FAF1: variants seen among roughly 807,000 people sequenced by gnomAD.
FAF1 encodes Fas associated factor 1.
Under a neutral mutation model 92.5 loss-of-function variants are expected in FAF1, and 25 were observed. That is an observed-to-expected ratio of 0.27 (90% confidence interval 0.20 to 0.38). The LOEUF is 0.38. FAF1 is among the 10% of genes least tolerant of loss of function. The pLI, the probability that FAF1 is intolerant of heterozygous loss-of-function variation, is 1.00. For missense variants in FAF1, 636 were observed against 793.3 expected, an observed-to-expected ratio of 0.80 and a Z score of 2.38; for synonymous variants, 234 against 273.2, an observed-to-expected ratio of 0.86 and a Z score of 1.42.
chr1:50,910,830 C>G (rs1003858562), intron 1 of FAF1, among the ~76,000 whole-genome samples: 2 of 152,062 alleles, frequency 1.3e-5, no homozygotes, highest in Non-Finnish European at 2.9e-5. Flanking sequence ...TTGTGCTTCC[C>G]GGGTGAGGCA....
rs190902914 is a variant in FAF1, at chr1:50,443,114, C to A, written c.1870-1591G>T. Among the ~76,000 whole-genome samples, 123 of 152,336 alleles carry A rather than the reference C, an allele frequency of 8.1e-4. 2 individuals carry two copies. The highest frequency in any genetic ancestry group is 2.9e-3 in the African/African-American group (122 of 41,572). On this transcript the variant is annotated intron_variant, in intron 18 of 18. Transcript: ENST00000396153. ...GTTGGCATTTTCTGCCCACCTGCTTCTGATATTGTTCTTAATTAACATGCC... is the reference window on the plus strand; with the variant it reads ...GTTGGCATTTTCTGCCCACCTGCTTATGATATTGTTCTTAATTAACATGCC...
At chr1:50,824,526 A>G (rs1644075618) in intron 2 of FAF1, among the ~76,000 whole-genome samples, 1 of 152,200 alleles carries the variant, frequency 6.6e-6, no homozygotes, top group Admixed American at 6.5e-5. Flanking sequence ...GGGAATATAA[A>G]TTAGTACAAC....
chr1:50,929,142 T>A (rs958327058), intron 1 of FAF1, among the ~76,000 whole-genome samples: 1 of 149,634 alleles, frequency 6.7e-6, no homozygotes, highest in Non-Finnish European at 1.5e-5. Context: ...CTTTTTTTAA[T>A]CAAAATAAAA....
chr1:50,806,296 C>G (rs1389776849), intron 2 of FAF1, among the ~76,000 whole-genome samples: 2 of 152,098 alleles, frequency 1.3e-5, no homozygotes, highest in Non-Finnish European at 2.9e-5. Context: ...CAAACAAATA[C>G]AAGCTAAAAC....
chr1:50,932,596 G>T (rs969139853), intron 1 of FAF1, among the ~76,000 whole-genome samples: 1 of 152,192 alleles, frequency 6.6e-6, no homozygotes, highest in African/African-American at 2.4e-5. Flanking sequence ...GCTTTCACAG[G>T]CTGGCACTGA....
intron 4 of FAF1, among the ~76,000 whole-genome samples, chr1:50,746,269 TATATATATATATATATATATA>T (rs1428196595): frequency 4.7e-3 from 101 of 21,454 alleles, no homozygotes; most frequent in African/African-American, 6.0e-3. Context: ...TATATATATA[TATATATATATATATATATATA>T]TATTTTTTTT....
chr1:50,519,453 G>C (rs1647391761), intron 15 of FAF1, among the ~76,000 whole-genome samples: 1 of 147,420 alleles, frequency 6.8e-6, no homozygotes, highest in Admixed American at 6.7e-5. Flanking sequence ...GAGGGAAGGA[G>C]GGAGGGAAGG....
intron 6 of FAF1, among the ~76,000 whole-genome samples, chr1:50,729,141 C>T (rs948278895): frequency 6.7e-6 from 1 of 149,312 alleles, no homozygotes; most frequent in Non-Finnish European, 1.5e-5. Flanking sequence ...CTGCACCCTG[C>T]GCCTCCCGGG....
intron 2 of FAF1, among the ~76,000 whole-genome samples, chr1:50,821,274 A>G (rs1644040906): frequency 6.6e-6 from 1 of 152,204 alleles, no homozygotes; most frequent in African/African-American, 2.4e-5. Flanking sequence ...ACTGGGCTAG[A>G]AATTCAGTTA....
At chr1:50,463,532 T>C (rs1646458564) in intron 18 of FAF1, among the ~76,000 whole-genome samples, 1 of 152,186 alleles carries the variant, frequency 6.6e-6, no homozygotes, top group Non-Finnish European at 1.5e-5. Context: ...CCCAATTATC[T>C]CAGTTACTAT....
intron 1 of FAF1, among the ~76,000 whole-genome samples, chr1:50,873,070 T>C (rs896679881): frequency 3.9e-5 from 6 of 152,144 alleles, no homozygotes; most frequent in Admixed American, 3.9e-4. Context: ...CTATCAACGT[T>C]GAGGCAAGAC....
chr1:50,514,319 TG>T (rs1647178770), intron 15 of FAF1, among the ~76,000 whole-genome samples: 1 of 152,196 alleles, frequency 6.6e-6, no homozygotes, highest in African/African-American at 2.4e-5. Flanking sequence ...GAACACCAAA[TG>T]AGCATTTGGT....
chr1:50,806,365 A>G (rs974679209), intron 2 of FAF1, among the ~76,000 whole-genome samples: 1 of 152,252 alleles, frequency 6.6e-6, no homozygotes, highest in Non-Finnish European at 1.5e-5. Flanking sequence ...TACAAGTATT[A>G]GCAATAATAT....
chr1:50,912,811 G>C (rs961745839), intron 1 of FAF1, among the ~76,000 whole-genome samples: 2 of 152,060 alleles, frequency 1.3e-5, no homozygotes, highest in South Asian at 2.1e-4. Context: ...CCCATTCTCA[G>C]TTTCTTAAAT....
At chr1:50,512,804 G>C (rs1318798752) in intron 15 of FAF1, among the ~76,000 whole-genome samples, 1 of 152,144 alleles carries the variant, frequency 6.6e-6, no homozygotes, top group African/African-American at 2.4e-5. Context: ...GGATAGCATT[G>C]AATCTATAAA....
At chr1:50,653,169 AAAC>A (rs968435279) in intron 8 of FAF1, among the ~76,000 whole-genome samples, 7 of 151,292 alleles carry the variant, frequency 4.6e-5, no homozygotes, top group African/African-American at 1.7e-4. Context: ...CAAGCAAGAA[AAAC>A]AACAAAAAAA....
intron 6 of FAF1, among the ~76,000 whole-genome samples, chr1:50,738,443 CAAAA>C (rs533056212): frequency 3.8e-5 from 3 of 79,070 alleles, no homozygotes; most frequent in Non-Finnish European, 5.2e-5. Context: ...AACTCCGTCG[CAAAA>C]AAAAAAAAAA....
chr1:50,868,216 T>C (rs775864634), intron 1 of FAF1, among the ~76,000 whole-genome samples: 1 of 152,142 alleles, frequency 6.6e-6, no homozygotes, highest in Non-Finnish European at 1.5e-5. Context: ...AGACTACACA[T>C]TGTGTACAGT....
intron 5 of FAF1, 111 bp from the exon 6 acceptor site, chr1:50,739,065 G>A (rs1057107931): frequency 1.5e-6 from 1 of 681,026 alleles, no homozygotes; most frequent in South Asian, 2.2e-5. Flanking sequence ...TTTATCTTTT[G>A]ATAATTTCCT....
Sources: gnomAD v4.1 joint callset for allele counts (sites outside exome capture counted in the v4.1 genomes callset) on GRCh38, gnomAD v4.1.1 for gene constraint, MANE v1.5 for transcripts, NCBI Gene and HGNC (gene_info 2026-07-23, HGNC 2026-07-21) for gene names.